MAP2K6: variants seen among roughly 807,000 people sequenced by gnomAD.
MAP2K6 encodes dual specificity mitogen-activated protein kinase kinase 6.
A neutral mutation model predicts 53.7 loss-of-function variants in MAP2K6; 16 were observed. That is an observed-to-expected ratio of 0.30 (90% CI 0.20 to 0.45). MAP2K6 has a LOEUF of 0.45. Ranked by LOEUF, MAP2K6 falls within the 20% of genes least tolerant of loss-of-function variation. The probability of loss-of-function intolerance (pLI) is 1.00; values close to 1 mark genes in which losing one functional copy is unlikely to be tolerated. For synonymous variants in MAP2K6, 132 were observed against 143.1 expected (o/e 0.92, Z 0.55); for missense variants, 204 against 411.9 (o/e 0.50, Z 4.37).
intron 1 of MAP2K6, among the ~76,000 whole-genome samples, chr17:69,450,749 CTT>C (rs1907193933): frequency 6.6e-6 from 1 of 150,748 alleles, no homozygotes; most frequent in African/African-American, 2.4e-5. Flanking sequence ...CATGAGTATA[CTT>C]TTTGCCAGTT....
At chr17:69,477,881 G>A (rs948647041) in intron 1 of MAP2K6, among the ~76,000 whole-genome samples, 2 of 152,200 alleles carry the variant, frequency 1.3e-5, no homozygotes, top group African/African-American at 4.8e-5. Context: ...TGGAAGGGAA[G>A]GGAAGGAGAT....
chr17:69,513,136 A>G (rs1195935478), intron 2 of MAP2K6, among the ~76,000 whole-genome samples: 2 of 152,194 alleles, frequency 1.3e-5, no homozygotes, highest in Non-Finnish European at 2.9e-5. Flanking sequence ...CCTGGAGAGA[A>G]CACAGTGTCA....
At position 69,548,172 on chromosome 17, in the gene MAP2K6, G is replaced by A. The variant is rs1296854632; in HGVS notation, c.*6419G>A. ...TTTGTGCTGTCCCACAAAAGTGAGAGGAGTACTTCTCTTTTTTTAAATCAT... is the reference window on the plus strand; with the variant it reads ...TTTGTGCTGTCCCACAAAAGTGAGAAGAGTACTTCTCTTTTTTTAAATCAT... On this transcript the variant is annotated 3_prime_UTR_variant, in exon 12 of 12. Transcript: ENST00000590474. The A allele has an allele frequency of 2.6e-5, 4 of 152,154 alleles. No homozygotes were observed. The highest frequency in any genetic ancestry group is 9.7e-5 in the African/African-American group (4 of 41,442). The allele number at this position is 152,154 out of a possible 1,614,324, so 9.4% of individuals were successfully genotyped here. A position where few individuals can be genotyped will look rare whatever the true frequency, so the allele number is the denominator to read the frequency against.
In MAP2K6 at chr17:69,517,562, G is replaced by C. The variant is rs368214335; in HGVS notation, c.195G>C (p.Gly65=). ...PIMELGRGAY[G]VVEKMRHVPS... ...TGGAACTGGGACGAGGTGCGTACGG[G>C]GTGGTGGAGAAGATGCGGCACGTGC... Residue 65 remains glycine (G), a synonymous_variant, in exon 4 of 12, where the codon GGG becomes GGC. Coordinates refer to ENST00000590474, the MANE Select transcript of MAP2K6 (RefSeq NM_002758.4). The C allele has an allele frequency of 1.9e-6, 3 of 1,610,608 alleles. No homozygotes were observed. The highest frequency in any genetic ancestry group is 2.5e-6 in the Non-Finnish European group (3 of 1,177,936).
intron 1 of MAP2K6, among the ~76,000 whole-genome samples, chr17:69,426,223 G>T (rs1364040997): frequency 1.3e-5 from 2 of 152,114 alleles, no homozygotes; most frequent in South Asian, 2.1e-4. Flanking sequence ...CATCATGCTG[G>T]GTAGAAATAG....
intron 1 of MAP2K6, among the ~76,000 whole-genome samples, chr17:69,425,529 T>G (rs1465053343): frequency 3.3e-5 from 5 of 152,090 alleles, no homozygotes; most frequent in Admixed American, 2.0e-4. Flanking sequence ...GCCAGGCTGG[T>G]GTTGAACTCC....
At position 69,548,391 on chromosome 17, in the gene MAP2K6, T is replaced by C. The variant is rs943056223; in HGVS notation, c.*6638T>C. The C allele has an allele frequency of 6.6e-6, 1 of 152,144 alleles. No individual in the cohort carries two copies. Among genetic ancestry groups the C allele is most frequent in the Admixed American group, 6.6e-5 (1 of 15,264 alleles). The allele number at this position is 152,144 out of a possible 1,614,324, so 9.4% of individuals were successfully genotyped here. ...CTTGCACCCTCTTTGCCATACAGAA[T>C]GCTATAAAAAGGACAGTCTGCCAGT... On this transcript the variant is annotated 3_prime_UTR_variant, in exon 12 of 12. Transcript: ENST00000590474.
chr17:69,532,866 T>C (rs8072070), intron 10 of MAP2K6, among the ~76,000 whole-genome samples: 9,553 of 152,262 alleles, frequency 0.063, 332 homozygotes, highest in African/African-American at 0.083. Flanking sequence ...CTTAACACTT[T>C]ATGATGGATC....
rs1385298233 is a variant in MAP2K6, at chr17:69,551,235, A to G, written c.*9482A>G. ...TCAGAAAAAAGCAAATCCTTTGGAC[A>G]ATGTTGACACAGACAGGGGTACGGT... is the stretch of plus-strand genomic sequence containing the variant. On this transcript the variant is annotated 3_prime_UTR_variant, in exon 12 of 12. Coordinates refer to ENST00000590474, the MANE Select transcript of MAP2K6 (RefSeq NM_002758.4). The G allele has an allele frequency of 6.6e-6, 1 of 152,176 alleles. No individual in the cohort carries two copies. Among genetic ancestry groups the G allele is most frequent in the Non-Finnish European group, 1.5e-5 (1 of 68,034 alleles). 9.4% of individuals were successfully genotyped at this position (152,176 alleles called of 1,614,324 possible).
In MAP2K6 at chr17:69,542,739, T is replaced by C. The variant is rs1390255639; in HGVS notation, c.*986T>C. ...TAAATCACAGAAAAAAATGGTGCCTTCTTCTGCGTTTGTCCCTCCTGCCAT... is the reference window on the plus strand; with the variant it reads ...TAAATCACAGAAAAAAATGGTGCCTCCTTCTGCGTTTGTCCCTCCTGCCAT... On this transcript the variant is annotated 3_prime_UTR_variant, in exon 12 of 12. Transcript: ENST00000590474. 5 of 152,220 alleles carry C rather than the reference T, an allele frequency of 3.3e-5. No homozygotes were observed. The highest frequency in any genetic ancestry group is 2.1e-4 in the South Asian group (1 of 4,832). 9.4% of individuals were successfully genotyped at this position (152,220 alleles called of 1,614,324 possible).
intron 1 of MAP2K6, among the ~76,000 whole-genome samples, chr17:69,440,897 C>T (rs1338925508): frequency 2.0e-5 from 3 of 151,994 alleles, no homozygotes; most frequent in Non-Finnish European, 4.4e-5. Context: ...TTTCTGGTTA[C>T]TATGATATGT....
At chr17:69,449,780 A>C in intron 1 of MAP2K6, among the ~76,000 whole-genome samples, 1 of 147,772 alleles carries the variant, frequency 6.8e-6, no homozygotes, top group African/African-American at 2.5e-5. Flanking sequence ...CGCCCGGCTA[A>C]TTTTTTGTAT....
At chr17:69,496,839 A>T (rs908107990) in intron 1 of MAP2K6, among the ~76,000 whole-genome samples, 2 of 151,856 alleles carry the variant, frequency 1.3e-5, no homozygotes, top group African/African-American at 4.8e-5. Context: ...AATACATCTG[A>T]CTTGGAACTC....
Position 69,517,492 on chromosome 17 carries a change from T to C in MAP2K6, c.133-8T>C, listed in dbSNP as rs759155358. 1 of 1,544,304 alleles carries C rather than the reference T, an allele frequency of 6.5e-7. No individual in the cohort carries two copies. The highest frequency in any genetic ancestry group is 1.8e-5 in the Admixed American group (1 of 55,730). ...TTCCCATTGCATTATTCCTTTTCTCTCTTGCAGAACTTTGAGGTGAAGGCA... is the reference window on the plus strand; with the variant it reads ...TTCCCATTGCATTATTCCTTTTCTCCCTTGCAGAACTTTGAGGTGAAGGCA... On this transcript the variant is annotated splice_region_variant and splice_polypyrimidine_tract_variant and intron_variant, in intron 3 of 11. Transcript: ENST00000590474.
chr17:69,449,638 G>A (rs1188106783), intron 1 of MAP2K6, among the ~76,000 whole-genome samples: 1 of 92,132 alleles, frequency 1.1e-5, no homozygotes, highest in African/African-American at 4.2e-5. Flanking sequence ...TTTTTGAGAC[G>A]GAGTCTCGCT....
At position 69,544,340 on chromosome 17, in the gene MAP2K6, C is replaced by T. The variant is rs1309123677; in HGVS notation, c.*2587C>T. The T allele has an allele frequency of 6.6e-6, 1 of 152,162 alleles. No individual in the cohort carries two copies. Among genetic ancestry groups the T allele is most frequent in the Non-Finnish European group, 1.5e-5 (1 of 68,030 alleles). The allele number at this position is 152,162 out of a possible 1,614,324, so 9.4% of individuals were successfully genotyped here. ...TAAAGTCAAAAGAATGACCTGATAG[C>T]CTCACAAGACTAAATTTTAGAGCAT... On this transcript the variant is annotated 3_prime_UTR_variant, in exon 12 of 12. Coordinates refer to ENST00000590474, the MANE Select transcript of MAP2K6 (RefSeq NM_002758.4).
intron 1 of MAP2K6, among the ~76,000 whole-genome samples, chr17:69,492,000 G>A (rs1469247714): frequency 6.6e-6 from 1 of 152,056 alleles, no homozygotes; most frequent in East Asian, 1.9e-4. Flanking sequence ...TTTTAATGGG[G>A]CTGTTTGCTT....
chr17:69,519,002 C>G (rs1465920757), intron 4 of MAP2K6, among the ~76,000 whole-genome samples: 1 of 152,204 alleles, frequency 6.6e-6, no homozygotes, highest in African/African-American at 2.4e-5. Flanking sequence ...ATTGTGCCCT[C>G]TTTGCACTGA....
intron 1 of MAP2K6, among the ~76,000 whole-genome samples, chr17:69,437,614 G>T (rs1419309926): frequency 6.6e-6 from 1 of 152,166 alleles, no homozygotes; most frequent in Admixed American, 6.5e-5. Context: ...AATGATTTTA[G>T]AGTATACAAT....
Sources: gnomAD v4.1 joint callset for allele counts (sites outside exome capture counted in the v4.1 genomes callset) on GRCh38, gnomAD v4.1.1 for gene constraint, MANE v1.5 for transcripts, NCBI Gene and HGNC (gene_info 2026-07-23, HGNC 2026-07-21) for gene names.